KIF6: variants seen among roughly 807,000 people sequenced by gnomAD.
KIF6 encodes the protein kinesin-like protein KIF6.
In KIF6, 106 loss-of-function variants were observed where a neutral mutation model predicts 112.7. The ratio of observed to expected loss-of-function variants is 0.94; its 90% CI spans 0.80 to 1.11. The LOEUF is 1.11. Among genes scored for constraint, KIF6 ranks in the 50% least tolerant of loss-of-function variants. The pLI, the probability that KIF6 is intolerant of heterozygous loss-of-function variation, is 0.00. For missense variants in KIF6, 929 were observed against 964.0 expected (o/e 0.96, Z 0.48); for synonymous variants, 339 against 339.9 (o/e 1.00, Z 0.03).
At position 39,378,975 on chromosome 6, in the gene KIF6, G is replaced by A. The variant is rs1423141121; in HGVS notation, c.1861+6647C>T. 6.6e-6 allele frequency among the ~76,000 whole-genome samples: 1 copy of A among 152,132 alleles called. No individual in the cohort carries two copies. Among genetic ancestry groups the A allele is most frequent in the Non-Finnish European group, 1.5e-5 (1 of 68,032 alleles). On this transcript the variant is annotated intron_variant, in intron 16 of 22. Transcript: ENST00000287152. The surrounding 1 kb of genome is among the most constrained non-coding windows in gnomAD (Gnocchi z 5.0). ...AGGCCTCTAGCTTTTATAGAGGGTC[G>A]ATACAAGAATCATCTGGTTGAATAA...
At chr6:39,515,421 G>A (rs928422444) in intron 13 of KIF6, among the ~76,000 whole-genome samples, 1 of 152,170 alleles carries the variant, frequency 6.6e-6, no homozygotes, top group Admixed American at 6.5e-5. Context: ...CTCCTTGGGC[G>A]CAATCATCTT....
rs145303748 is a variant in KIF6 at position 39,703,500 on chromosome 6, T to C, written c.251+11192A>G. On this transcript the variant is annotated intron_variant, in intron 3 of 22. Coordinates refer to ENST00000287152, the MANE Select transcript of KIF6 (RefSeq NM_145027.6). ...GATAATATACGTGAAACTGCTCTTA[T>C]ATTGGCAAAGCTTTATATAAAATAA... Among the ~76,000 whole-genome samples the C allele has an allele frequency of 1.1e-4, 16 of 152,286 alleles. No individual in the cohort carries two copies. The East Asian group carries it at 2.9e-3, about 28-fold the overall frequency.
At chr6:39,614,186 A>C (rs1388352880) in intron 5 of KIF6, among the ~76,000 whole-genome samples, 5 of 152,222 alleles carry the variant, frequency 3.3e-5, no homozygotes, top group African/African-American at 1.2e-4. Flanking sequence ...GATTTGAGTC[A>C]TAAAGTTACT....
intron 13 of KIF6, among the ~76,000 whole-genome samples, chr6:39,526,660 T>C (rs765949765): frequency 1.3e-5 from 2 of 152,248 alleles, no homozygotes; most frequent in African/African-American, 4.8e-5. Context: ...CCAAGCCATA[T>C]AGCCTTCAAA....
chr6:39,590,924 T>C (rs187376597), intron 7 of KIF6, among the ~76,000 whole-genome samples: 45 of 152,346 alleles, frequency 3.0e-4, no homozygotes, highest in African/African-American at 1.1e-3. Context: ...TATCAAGGAC[T>C]TAGTTTTTGC....
In KIF6 at chr6:39,450,639, T is replaced by C. The variant is rs1009098251; in HGVS notation, c.1646-19478A>G. 3.9e-5 allele frequency among the ~76,000 whole-genome samples: 6 copies of C among 152,172 alleles called. No individual in the cohort carries two copies. In the East Asian group the frequency reaches 1.2e-3, roughly 30 times the overall value. On this transcript the variant is annotated intron_variant, in intron 13 of 22. Coordinates refer to ENST00000287152, the MANE Select transcript of KIF6 (RefSeq NM_145027.6). ...GGGCAACATGGTGAAACCCCATCTC[T>C]ACCAAAAACACAAAAATTAGCTGGG...
At chr6:39,545,461 T>C (rs140512493) in intron 11 of KIF6, 122 bp downstream of exon 11, 209 of 633,028 alleles carry the variant, frequency 3.3e-4, no homozygotes, top group African/African-American at 2.4e-3. Context: ...TCAAAGATCG[T>C]ACCATTTTCT....
intron 3 of KIF6, among the ~76,000 whole-genome samples, chr6:39,700,324 G>C (rs531973720): frequency 6.6e-6 from 1 of 152,142 alleles, no homozygotes; most frequent in Admixed American, 6.5e-5. Flanking sequence ...AGAGCTAAGA[G>C]TATTTTATAA....
intron 18 of KIF6, among the ~76,000 whole-genome samples, chr6:39,358,086 G>A (rs139393551): frequency 4.6e-5 from 7 of 152,312 alleles, no homozygotes; most frequent in South Asian, 2.1e-4. Flanking sequence ...TTGTGTAGGG[G>A]AACAGCTCTG....
chr6:39,644,541 T>A (rs1785066925), intron 3 of KIF6, among the ~76,000 whole-genome samples: 1 of 152,154 alleles, frequency 6.6e-6, no homozygotes, highest in Non-Finnish European at 1.5e-5. Flanking sequence ...ACACATTAAA[T>A]TTTAAAAAGC....
chr6:39,656,525 G>A (rs1785792591), intron 3 of KIF6, among the ~76,000 whole-genome samples: 1 of 152,146 alleles, frequency 6.6e-6, no homozygotes. Flanking sequence ...GCCACATGAG[G>A]CTTTCCATAA....
chr6:39,396,180 G>C (rs551104819), intron 15 of KIF6, among the ~76,000 whole-genome samples: 1 of 152,168 alleles, frequency 6.6e-6, no homozygotes. Context: ...ATGTGTTAGT[G>C]AGTTTGTGAA....
intron 10 of KIF6, among the ~76,000 whole-genome samples, chr6:39,568,217 A>G (rs1235606276): frequency 6.6e-6 from 1 of 152,106 alleles, no homozygotes; most frequent in East Asian, 1.9e-4. Context: ...AACGAAAATA[A>G]CTCTGTATAC....
intron 3 of KIF6, among the ~76,000 whole-genome samples, chr6:39,694,469 TC>T (rs1458813549): frequency 2.0e-5 from 3 of 152,208 alleles, no homozygotes; most frequent in Non-Finnish European, 4.4e-5. Flanking sequence ...TTCAGCAAAG[TC>T]TCAGAATACA....
intron 22 of KIF6, among the ~76,000 whole-genome samples, chr6:39,340,826 T>C (rs1763287507): frequency 6.6e-6 from 1 of 151,956 alleles, no homozygotes; most frequent in South Asian, 2.1e-4. Flanking sequence ...GCTTAGTGAA[T>C]GTAACTTAAA....
intron 13 of KIF6, among the ~76,000 whole-genome samples, chr6:39,469,387 TA>T (rs1482547846): frequency 6.6e-6 from 1 of 151,846 alleles, no homozygotes; most frequent in Non-Finnish European, 1.5e-5. Context: ...ACATGAGATT[TA>T]AAAAAAACCA....
At chr6:39,385,165 T>C (rs979702210) in intron 16 of KIF6, among the ~76,000 whole-genome samples, 31 of 152,340 alleles carry the variant, frequency 2.0e-4, no homozygotes, top group African/African-American at 7.5e-4. Context: ...ATCTGGTAAA[T>C]GCACTTACCT....
intron 3 of KIF6, among the ~76,000 whole-genome samples, chr6:39,708,673 T>C (rs1789355019): frequency 6.6e-6 from 1 of 152,204 alleles, no homozygotes; most frequent in African/African-American, 2.4e-5. Flanking sequence ...AGGTAAAACA[T>C]AGATTGGCTC....
intron 2 of KIF6, among the ~76,000 whole-genome samples, chr6:39,717,854 C>T (rs1279439919): frequency 1.3e-5 from 2 of 152,060 alleles, no homozygotes; most frequent in Non-Finnish European, 2.9e-5. Context: ...AATATTAAAA[C>T]CATTATTTTC....
Sources: gnomAD v4.1 joint callset for allele counts (sites outside exome capture counted in the v4.1 genomes callset) on GRCh38, gnomAD v4.1.1 for gene constraint, Gnocchi (gnomAD v3.1) non-coding constraint, MANE v1.5 for transcripts, NCBI Gene and HGNC (gene_info 2026-07-23, HGNC 2026-07-21) for gene names.